The following TDRD12 variants were observed in gnomAD, a reference collection of about 807,000 sequenced individuals.
TDRD12 encodes tudor domain containing 12.
In TDRD12, 158 loss-of-function variants were observed where a neutral mutation model predicts 133.5. The observed-to-expected ratio is 1.18, with a 90% CI of 1.04 to 1.35. The LOEUF (loss-of-function observed/expected upper bound fraction) is 1.35. TDRD12 is among the 40% of genes most tolerant of loss of function. TDRD12 has a pLI of 0.00. For missense variants in TDRD12, 1,443 were observed against 1,321.3 expected (o/e 1.09, Z -1.43); for synonymous variants, 460 against 477.9 (o/e 0.96, Z 0.49).
downstream of TDRD12, chr19:32,826,173 C>G (rs958609908): frequency 1.3e-6 from 2 of 1,535,002 alleles, no homozygotes; most frequent in Non-Finnish European, 1.7e-6. Context: ...TACGTCCACT[C>G]GGCATGGAGG....
chr19:32,797,448 T>A (rs1041146736), intron 14 of TDRD12, among the ~76,000 whole-genome samples: 2 of 152,146 alleles, frequency 1.3e-5, no homozygotes, highest in Non-Finnish European at 2.9e-5. Flanking sequence ...TACCTCAAGT[T>A]CCTCACCTCT....
chr19:32,794,494 C>T (rs1971165822), intron 13 of TDRD12, 134 bp from the exon 14 acceptor site: 1 of 598,186 alleles, frequency 1.7e-6, no homozygotes, highest in Non-Finnish European at 3.0e-6. Flanking sequence ...TTTGGGGAAA[C>T]TTAACAAGTT....
chr19:32,823,664 G>A (rs1032715105), downstream of TDRD12, among the ~76,000 whole-genome samples: 1 of 152,238 alleles, frequency 6.6e-6, no homozygotes, highest in Non-Finnish European at 1.5e-5. Context: ...GCGGGGGGCA[G>A]CTGGTTTCGC....
chr19:32,790,562 A>G (rs1404001992), exon 12 of TDRD12: 1 of 1,551,980 alleles, frequency 6.4e-7, no homozygotes, highest in East Asian at 2.4e-5. Context: ...TGATCCTTTG[A>G]GAGCTGACGG....
exon 27 of TDRD12, chr19:32,818,151 G>T (rs575278899): frequency 5.7e-6 from 4 of 702,214 alleles, no homozygotes; most frequent in Admixed American, 2.0e-5. Flanking sequence ...GAGCAGGGGG[G>T]GCAGGGGTGA....
intron 22 of TDRD12, among the ~76,000 whole-genome samples, chr19:32,809,308 T>A (rs1168062518): frequency 6.6e-6 from 1 of 152,210 alleles, no homozygotes; most frequent in Non-Finnish European, 1.5e-5. Context: ...CCAGGCTCGC[T>A]TGTTGCACTG....
At chr19:32,801,998 A>G (rs1402860127) in intron 19 of TDRD12, 125 bp downstream of exon 19, 7 of 435,568 alleles carry the variant, frequency 1.6e-5, no homozygotes, top group Non-Finnish European at 2.8e-5. Context: ...AGACTTTATT[A>G]GCAATGTTAA....
At chr19:32,775,684 A>C (rs1435215773) in intron 10 of TDRD12, among the ~76,000 whole-genome samples, 6 of 150,336 alleles carry the variant, frequency 4.0e-5, no homozygotes, top group Non-Finnish European at 8.9e-5. Context: ...AAAAGTTTAT[A>C]TTTCTTTGCT....
chr19:32,829,351 A>G (rs1463632416), exon 10 of TDRD12: 1 of 152,252 alleles, frequency 6.6e-6, no homozygotes, highest in Non-Finnish European at 1.5e-5. Flanking sequence ...CAAATGTTCT[A>G]ATATCTGAAG....
chr19:32,719,969 C>T, exon 1 of TDRD12: 2 of 1,386,022 alleles, frequency 1.4e-6, no homozygotes, highest in South Asian at 2.5e-5. Flanking sequence ...GGAAGGAACG[C>T]ACTCGCGGCG....
intron 13 of TDRD12, among the ~76,000 whole-genome samples, chr19:32,793,075 G>A (rs1427227778): frequency 6.6e-6 from 1 of 152,044 alleles, no homozygotes; most frequent in Non-Finnish European, 1.5e-5. Context: ...AGTCCCAGTC[G>A]CTTGGTAGGC....
intron 8 of TDRD12, among the ~76,000 whole-genome samples, chr19:32,761,381 C>T (rs559951494): frequency 2.0e-5 from 3 of 152,290 alleles, no homozygotes; most frequent in East Asian, 1.9e-4. Flanking sequence ...CCGCCCGCCT[C>T]GGCCTCCCAA....
chr19:32,791,767 A>G (rs1382487232), intron 13 of TDRD12, among the ~76,000 whole-genome samples: 1 of 152,054 alleles, frequency 6.6e-6, no homozygotes, highest in African/African-American at 2.4e-5. Flanking sequence ...TGACCTTCAG[A>G]TGATGCTATT....
At chr19:32,813,655 C>T (rs1967081201) in intron 24 of TDRD12, 29 bp from the exon 25 acceptor site, 2 of 1,333,486 alleles carry the variant, frequency 1.5e-6, no homozygotes, top group Non-Finnish European at 2.1e-6. Context: ...TAAAGCCTCA[C>T]CTAAAATAAT....
intron 8 of TDRD12, among the ~76,000 whole-genome samples, chr19:32,764,301 G>A (rs144202903): frequency 1.3e-3 from 199 of 151,846 alleles, no homozygotes; most frequent in African/African-American, 4.6e-3. Context: ...TAGCAGAGAT[G>A]GGGTTTCACC....
chr19:32,802,630 G>C, intron 19 of TDRD12, 26 bp from the exon 20 acceptor site: 2 of 1,534,006 alleles, frequency 1.3e-6, no homozygotes, highest in South Asian at 2.4e-5. Context: ...CAGCGCGTGT[G>C]ACATTGTCGG....
At chr19:32,723,535 C>T (rs541338106) in intron 1 of TDRD12, among the ~76,000 whole-genome samples, 3 of 152,158 alleles carry the variant, frequency 2.0e-5, no homozygotes, top group Non-Finnish European at 4.4e-5. Context: ...AAGCATGAGC[C>T]ACCGTGCCTG....
At chr19:32,750,012 G>A (rs1362240138) in intron 6 of TDRD12, 143 bp downstream of exon 6, 4 of 530,600 alleles carry the variant, frequency 7.5e-6, no homozygotes, top group Non-Finnish European at 1.3e-5. Flanking sequence ...TAGACCCGAA[G>A]TTAGCCAGGT....
At chr19:32,797,402 G>A (rs1971262523) in intron 14 of TDRD12, among the ~76,000 whole-genome samples, 1 of 152,160 alleles carries the variant, frequency 6.6e-6, no homozygotes, top group Non-Finnish European at 1.5e-5. Context: ...CCATGTATTA[G>A]CTGTGCAGCC....
Sources: allele counts gnomAD v4.1 joint callset (sites outside exome capture counted in the v4.1 genomes callset), GRCh38; gene constraint gnomAD v4.1.1; transcripts MANE v1.5; gene names NCBI Gene and HGNC (gene_info 2026-07-23, HGNC 2026-07-21).